Variants in DERA observed in about 807,000 individuals in gnomAD.
The protein encoded by DERA is deoxyribose-phosphate aldolase.
A neutral mutation model predicts 41.1 loss-of-function variants in DERA; 15 were observed. The ratio of observed to expected loss-of-function variants is 0.37; its 90% CI spans 0.24 to 0.56. DERA has a LOEUF of 0.56. Among genes scored for constraint, DERA ranks in the 20% least tolerant of loss-of-function variants. DERA has a pLI of 0.81. For synonymous variants in DERA, 139 were observed against 137.4 expected (o/e 1.01, Z -0.08); for missense variants, 396 against 403.4 (o/e 0.98, Z 0.16).
At chr12:15,953,270 A>G (rs1436158021) in intron 1 of DERA, among the ~76,000 whole-genome samples, 4 of 152,192 alleles carry the variant, frequency 2.6e-5, no homozygotes. Flanking sequence ...TATGAGGAAC[A>G]AAGTTAAAAT....
At position 16,026,614 on chromosome 12, in the gene DERA, CAT is replaced by C. The variant is rs537747053; in HGVS notation, c.638-5925_638-5924del. On this transcript the variant is annotated intron_variant, in intron 6 of 8. Transcript: ENST00000428559. The surrounding 1 kb of genome is among the most constrained non-coding windows in gnomAD (Gnocchi z 4.4). The stretch of plus-strand genomic sequence containing the variant: ...TTTACACATTTATGTAAATATATAA[CAT>C]ATTTTAATTATATAAAATTATTTAT... Among the ~76,000 whole-genome samples, 26 of 149,488 alleles carry C rather than the reference CAT, an allele frequency of 1.7e-4. No individual in the cohort carries two copies. The East Asian group carries it at 4.1e-3, about 23-fold the overall frequency.
chr12:16,026,602 G>T lies in DERA; in HGVS notation c.638-5940G>T, dbSNP rs1949054997. On this transcript the variant is annotated intron_variant, in intron 6 of 8. Coordinates refer to ENST00000428559, the MANE Select transcript of DERA (RefSeq NM_015954.4). The surrounding 1 kb of genome is among the most constrained non-coding windows in gnomAD (Gnocchi z 4.4). ...ATTGTAAATATATTTACACATTTATGTAAATATATAACATATTTTAATTAT... is the reference window on the plus strand; with the variant it reads ...ATTGTAAATATATTTACACATTTATTTAAATATATAACATATTTTAATTAT... Among the ~76,000 whole-genome samples the T allele has an allele frequency of 6.7e-6, 1 of 149,530 alleles. No individual in the cohort carries two copies. Among genetic ancestry groups the T allele is most frequent in the Non-Finnish European group, 1.5e-5 (1 of 67,362 alleles).
chr12:15,976,558 C>T lies in DERA; in HGVS notation c.509-5750C>T, dbSNP rs2136158542. ...GCTCTCCCTTGTCTGTGGTTGAGAG[C>T]TCCCAAAGATAGAGTTCAGAATCAT... On this transcript the variant is annotated intron_variant, in intron 5 of 8. Coordinates refer to ENST00000428559, the MANE Select transcript of DERA (RefSeq NM_015954.4). This position sits in a 1 kb window ranked among gnomAD's most constrained non-coding sequence, Gnocchi z 4.1. Among the ~76,000 whole-genome samples the T allele has an allele frequency of 6.6e-6, 1 of 152,278 alleles. No homozygotes were observed. Among genetic ancestry groups the T allele is most frequent in the East Asian group, 1.9e-4 (1 of 5,174 alleles).
chr12:16,022,047 G>A (rs1012421815), intron 6 of DERA, among the ~76,000 whole-genome samples: 2 of 152,148 alleles, frequency 1.3e-5, no homozygotes, highest in Non-Finnish European at 2.9e-5. Flanking sequence ...GAGACCAGAC[G>A]CAGAATGATA....
chr12:15,965,489 C>G lies in DERA; in HGVS notation c.508+2542C>G, dbSNP rs1948615936. ...CCAACAGGCCCCACTGTGTGTTGTTCCCCTCCCTGTGTCCATGTGTTCTCA... is the reference window on the plus strand; with the variant it reads ...CCAACAGGCCCCACTGTGTGTTGTTGCCCTCCCTGTGTCCATGTGTTCTCA... On this transcript the variant is annotated intron_variant, in intron 5 of 8. Coordinates refer to ENST00000428559, the MANE Select transcript of DERA (RefSeq NM_015954.4). The surrounding 1 kb of genome is among the most constrained non-coding windows in gnomAD (Gnocchi z 4.1). Among the ~76,000 whole-genome samples, 1 of 152,074 alleles carries G rather than the reference C, an allele frequency of 6.6e-6. No individual in the cohort carries two copies. Among genetic ancestry groups the G allele is most frequent in the Admixed American group, 6.6e-5 (1 of 15,250 alleles).
At position 15,999,041 on chromosome 12, in the gene DERA, A is replaced by G. The variant is rs1038343143; in HGVS notation, c.637+16605A>G. On this transcript the variant is annotated intron_variant, in intron 6 of 8. Coordinates refer to ENST00000428559, the MANE Select transcript of DERA (RefSeq NM_015954.4). This position sits in a 1 kb window ranked among gnomAD's most constrained non-coding sequence, Gnocchi z 5.3. The stretch of plus-strand genomic sequence containing the variant: ...TCAACATATTAGATTTAGGATTTGA[A>G]TAGGGAGTTCCCCAATTCCAAACTG... 6.6e-6 allele frequency among the ~76,000 whole-genome samples: 1 copy of G among 152,154 alleles called. No homozygotes were observed. Among genetic ancestry groups the G allele is most frequent in the African/African-American group, 2.4e-5 (1 of 41,432 alleles).
chr12:15,990,076 G>A lies in DERA; in HGVS notation c.637+7640G>A, dbSNP rs1948791610. Among the ~76,000 whole-genome samples, 1 of 152,152 alleles carries A rather than the reference G, an allele frequency of 6.6e-6. No individual in the cohort carries two copies. Among genetic ancestry groups the A allele is most frequent in the Admixed American group, 6.5e-5 (1 of 15,268 alleles). On this transcript the variant is annotated intron_variant, in intron 6 of 8. Transcript: ENST00000428559. This position sits in a 1 kb window ranked among gnomAD's most constrained non-coding sequence, Gnocchi z 4.3. ...TAAATAAAGTACTTTGCAAGTTATT[G>A]AAAAATATTAGTATACCTTCCTTCT...
In DERA at chr12:16,020,993, G is replaced by A. The variant is rs1302560775; in HGVS notation, c.638-11549G>A. On this transcript the variant is annotated intron_variant, in intron 6 of 8. Transcript: ENST00000428559. This position sits in a 1 kb window ranked among gnomAD's most constrained non-coding sequence, Gnocchi z 5.5. The stretch of plus-strand genomic sequence containing the variant: ...TTAATGTGAGAACTTATATTTAAAT[G>A]GGAAGCAGAGTATAAAAGTTGGGAA... Among the ~76,000 whole-genome samples the A allele has an allele frequency of 1.3e-5, 2 of 152,216 alleles. No homozygotes were observed. Among genetic ancestry groups the A allele is most frequent in the Non-Finnish European group, 2.9e-5 (2 of 68,030 alleles).
rs1392983692 is a variant in DERA at position 15,967,228 on chromosome 12, A to G, written c.508+4281A>G. 6.6e-6 allele frequency among the ~76,000 whole-genome samples: 1 copy of G among 151,752 alleles called. No individual in the cohort carries two copies. Among genetic ancestry groups the G allele is most frequent in the Non-Finnish European group, 1.5e-5 (1 of 67,976 alleles). On this transcript the variant is annotated intron_variant, in intron 5 of 8. Coordinates refer to ENST00000428559, the MANE Select transcript of DERA (RefSeq NM_015954.4). The surrounding 1 kb of genome is among the most constrained non-coding windows in gnomAD (Gnocchi z 4.9). ...GCAAAAATTAGCCTGGTGTTGTGGT[A>G]TGCGCCTGTAGTCCCAGCTACTCAA...
At position 15,927,369 on chromosome 12, in the gene DERA, T is replaced by C. The variant is rs1269565141; in HGVS notation, c.31+15955T>C. Among the ~76,000 whole-genome samples, 3 of 152,300 alleles carry C rather than the reference T, an allele frequency of 2.0e-5. No homozygotes were observed. The Middle Eastern group carries it at 0.01, about 518-fold the overall frequency. On this transcript the variant is annotated intron_variant, in intron 1 of 8. Transcript: ENST00000428559. ...CCATTCTGTGACTATTTTAGATAAA[T>C]AATCAGAGACAAGTGTTCATACACT...
rs1448723760 is a variant in DERA at position 16,026,957 on chromosome 12, G to T, written c.638-5585G>T. Among the ~76,000 whole-genome samples the T allele has an allele frequency of 6.6e-6, 1 of 152,076 alleles. No homozygotes were observed. Among genetic ancestry groups the T allele is most frequent in the East Asian group, 1.9e-4 (1 of 5,200 alleles). On this transcript the variant is annotated intron_variant, in intron 6 of 8. Transcript: ENST00000428559. The surrounding 1 kb of genome is among the most constrained non-coding windows in gnomAD (Gnocchi z 4.4). Reference sequence around the variant, plus strand: ...CAACAATGTATAAAACTAATTATATGCCACAACCAAGTGTGATTTATTCCA... The same window carrying T: ...CAACAATGTATAAAACTAATTATATTCCACAACCAAGTGTGATTTATTCCA...
At chr12:15,956,708 G>A in intron 1 of DERA, 1 of 586,518 alleles carries the variant, frequency 1.7e-6, no homozygotes, top group Non-Finnish European at 3.2e-6. Flanking sequence ...AGCAATTGTG[G>A]TTTTTGCCTT....
Position 16,036,189 on chromosome 12 carries a change from C to A in DERA, c.751-43C>A. The A allele has an allele frequency of 6.8e-7, 1 of 1,465,850 alleles. No individual in the cohort carries two copies. Among genetic ancestry groups the A allele is most frequent in the South Asian group, 1.4e-5 (1 of 68,968 alleles). The allele number at this position is 1,465,850 out of a possible 1,614,324, so 90.8% of individuals were successfully genotyped here. A position where few individuals can be genotyped will look rare whatever the true frequency, so the allele number is the denominator to read the frequency against. On this transcript the variant is annotated intron_variant, in intron 7 of 8. Coordinates refer to ENST00000428559, the MANE Select transcript of DERA (RefSeq NM_015954.4). The surrounding 1 kb of genome is among the most constrained non-coding windows in gnomAD (Gnocchi z 4.9). Reference sequence around the variant, plus strand: ...CATAGTACTATTTTTAAAAGAAATCCAATAACAATAAAGATTGTTCTATTC... The same window carrying A: ...CATAGTACTATTTTTAAAAGAAATCAAATAACAATAAAGATTGTTCTATTC...
intron 5 of DERA, among the ~76,000 whole-genome samples, chr12:15,968,116 C>T (rs1239951527): frequency 2.7e-5 from 4 of 146,096 alleles, no homozygotes; most frequent in Non-Finnish European, 4.5e-5. Context: ...AATTCCAGTT[C>T]TTAGTTGCAT....
chr12:15,921,856 G>A lies in DERA; in HGVS notation c.31+10442G>A, dbSNP rs1458581376. Among the ~76,000 whole-genome samples, 1 of 152,148 alleles carries A rather than the reference G, an allele frequency of 6.6e-6. No homozygotes were observed. The highest frequency in any genetic ancestry group is 2.4e-5 in the African/African-American group (1 of 41,420). On this transcript the variant is annotated intron_variant, in intron 1 of 8. Transcript: ENST00000428559. This position sits in a 1 kb window ranked among gnomAD's most constrained non-coding sequence, Gnocchi z 5.3. ...TAGGAGAATCGCTTGAACCCAGGAG[G>A]CAGAGGTTGCAGTGAGCCGAGATCA...
Position 15,958,592 on chromosome 12 carries a change from T to C in DERA, c.277+257T>C, listed in dbSNP as rs1269360452. 3.3e-5 allele frequency among the ~76,000 whole-genome samples: 5 copies of C among 152,136 alleles called. No homozygotes were observed. The East Asian group carries it at 7.7e-4, about 24-fold the overall frequency. The stretch of plus-strand genomic sequence containing the variant: ...CTTGGTAGAGAGTGACTTTATTTCT[T>C]TTCAGTTCTTCAGTTTTGGAAAATT... On this transcript the variant is annotated intron_variant, in intron 3 of 8. Coordinates refer to ENST00000428559, the MANE Select transcript of DERA (RefSeq NM_015954.4).
rs1274882266 is a variant in DERA, at chr12:16,026,107, T to G, written c.638-6435T>G. Among the ~76,000 whole-genome samples, 1 of 152,082 alleles carries G rather than the reference T, an allele frequency of 6.6e-6. No homozygotes were observed. The highest frequency in any genetic ancestry group is 1.5e-5 in the Non-Finnish European group (1 of 67,954). On this transcript the variant is annotated intron_variant, in intron 6 of 8. Transcript: ENST00000428559. This position sits in a 1 kb window ranked among gnomAD's most constrained non-coding sequence, Gnocchi z 4.4. ...ATATTAGAAAAGAATAAAGTCAATA[T>G]GCAAGCTTTCATCTTAGGAAAGTAG...
chr12:15,977,206 A>T (rs1384111177), intron 5 of DERA, among the ~76,000 whole-genome samples: 2 of 152,170 alleles, frequency 1.3e-5, no homozygotes, highest in African/African-American at 4.8e-5. Context: ...GGGAGTTGAC[A>T]TCCTTCTACG....
At chr12:15,955,002 A>T (rs939275459) in intron 1 of DERA, among the ~76,000 whole-genome samples, 1 of 152,030 alleles carries the variant, frequency 6.6e-6, no homozygotes, top group Non-Finnish European at 1.5e-5. Context: ...GAGGAGAAAA[A>T]AAAAAAGCCT....
Sources: gnomAD v4.1 joint callset for allele counts (sites outside exome capture counted in the v4.1 genomes callset) on GRCh38, gnomAD v4.1.1 for gene constraint, Gnocchi (gnomAD v3.1) non-coding constraint, MANE v1.5 for transcripts, NCBI Gene and HGNC (gene_info 2026-07-23, HGNC 2026-07-21) for gene names.